FLVCR2: variants seen among roughly 807,000 people sequenced by gnomAD.
FLVCR2 encodes the protein FLVCR choline and putative heme transporter 2, also known as choline/ethanolamine transporter FLVCR2.
In FLVCR2, 38 loss-of-function variants were observed where a neutral mutation model predicts 48.9. That is an observed-to-expected ratio of 0.78 (90% CI 0.60 to 1.02). FLVCR2 has a LOEUF of 1.02. Ranked by LOEUF, FLVCR2 falls within the 50% of genes least tolerant of loss-of-function variation. The pLI, the probability that FLVCR2 is intolerant of heterozygous loss-of-function variation, is 0.00. For missense variants in FLVCR2, 664 were observed against 663.3 expected (o/e 1.00, Z -0.01); for synonymous variants, 255 against 257.0 (o/e 0.99, Z 0.07).
chr14:75,596,699 C>T (rs1889029114), intron 1 of FLVCR2, among the ~76,000 whole-genome samples: 1 of 151,802 alleles, frequency 6.6e-6, no homozygotes, highest in Non-Finnish European at 1.5e-5. Flanking sequence ...TGTTGTGTAA[C>T]CATTACCACT....
chr14:75,589,699 A>C (rs962659060), intron 1 of FLVCR2, among the ~76,000 whole-genome samples: 4 of 152,166 alleles, frequency 2.6e-5, no homozygotes, highest in Admixed American at 2.6e-4. Context: ...TGTTCATGAC[A>C]TTCTCTGAAA....
At chr14:75,597,812 C>T (rs67245797) in intron 1 of FLVCR2, among the ~76,000 whole-genome samples, 29,685 of 151,952 alleles carry the variant, frequency 0.2, 3,337 homozygotes, top group East Asian at 0.58. Flanking sequence ...TCAGGTGATC[C>T]GCCCATCTCA....
chr14:75,633,526 G>GAGAT (rs1413006692), intron 3 of FLVCR2, 103 bp from the exon 4 acceptor site: 2 of 876,744 alleles, frequency 2.3e-6, no homozygotes, highest in African/African-American at 3.3e-5. Context: ...GAGTGGCAGT[G>GAGAT]AGATGAGGAT....
At chr14:75,613,877 A>T (rs547358888) in intron 1 of FLVCR2, among the ~76,000 whole-genome samples, 1 of 152,324 alleles carries the variant, frequency 6.6e-6, no homozygotes, top group Admixed American at 6.5e-5. Context: ...AGGGGACAAC[A>T]TCCAAACCCA....
rs1399297143 is a variant in FLVCR2 at position 75,641,289 on chromosome 14, C to T, written c.1449C>T (p.Leu483=). The change falls in exon 8 of 10, where the codon CTC becomes CTT. Residue 483 remains leucine, a synonymous_variant. Coordinates refer to ENST00000238667, the MANE Select transcript of FLVCR2 (RefSeq NM_017791.3). ...TGTTCCTTACTCTTGGAGCAGCCCTCACTGGTGAGTTGGAGCCTGAGGGCA... is the reference window on the plus strand; with the variant it reads ...TGTTCCTTACTCTTGGAGCAGCCCTTACTGGTGAGTTGGAGCCTGAGGGCA... ...LCVFLTLGAA[L]TAFIKADLRR... 3 of 1,612,542 alleles carry T rather than the reference C, an allele frequency of 1.9e-6. No individual in the cohort carries two copies. Among genetic ancestry groups the T allele is most frequent in the Non-Finnish European group, 2.5e-6 (3 of 1,178,696 alleles).
intron 1 of FLVCR2, among the ~76,000 whole-genome samples, chr14:75,615,628 TC>T (rs1889589045): frequency 6.6e-6 from 1 of 152,094 alleles, no homozygotes; most frequent in African/African-American, 2.4e-5. Context: ...TTGAGATCTT[TC>T]TGACCCCTGA....
chr14:75,632,597 A>G, intron 3 of FLVCR2: 1 of 702,234 alleles, frequency 1.4e-6, no homozygotes, highest in South Asian at 1.5e-5. Flanking sequence ...AGGCTATATG[A>G]ACTGGGGTTC....
In FLVCR2 at chr14:75,580,343, G is replaced by A. The variant is rs116026392; in HGVS notation, c.669+702G>A. ...GGTTATGATCCAGAAAGCTGGGCAG[G>A]TTGTGAACCTGAATGCCGTCTCCAA... On this transcript the variant is annotated intron_variant, in intron 1 of 9. Transcript: ENST00000238667. Among the ~76,000 whole-genome samples the A allele has an allele frequency of 5.5e-3, 835 of 152,322 alleles. 10 individuals carry two copies. The highest frequency in any genetic ancestry group is 0.019 in the African/African-American group (803 of 41,568).
At chr14:75,645,917 C>CAA (rs33996926) in intron 9 of FLVCR2, among the ~76,000 whole-genome samples, 124 of 93,892 alleles carry the variant, frequency 1.3e-3, no homozygotes, top group African/African-American at 5.1e-3. Flanking sequence ...GACTCCATCT[C>CAA]AAAAAAAAAA....
In FLVCR2 at chr14:75,579,315, T is replaced by G. The variant is rs747858143; in HGVS notation, c.343T>G (p.Phe115Val). ...YGSINNIFMH[F>V]YGVSAFAIDW... ...CTCCATCAATAACATCTTCATGCAC[T>G]TCTACGGTGTCAGTGCCTTTGCCAT... The change falls in exon 1 of 10, where the codon TTC (phenylalanine) becomes GTC (valine). Residue 115 changes from phenylalanine to valine, a missense_variant. By Grantham distance (50) the Phe-to-Val change is conservative. Coordinates refer to ENST00000238667, the MANE Select transcript of FLVCR2 (RefSeq NM_017791.3). 1.2e-6 allele frequency: 2 copies of G among 1,614,246 alleles called. No individual in the cohort carries two copies. The highest frequency in any genetic ancestry group is 4.5e-5 in the East Asian group (2 of 44,892).
intron 1 of FLVCR2, among the ~76,000 whole-genome samples, chr14:75,594,725 T>A (rs953311584): frequency 1.3e-5 from 2 of 151,938 alleles, no homozygotes; most frequent in Non-Finnish European, 2.9e-5. Flanking sequence ...TTATCACTTT[T>A]TTTTTTTTTT....
At chr14:75,596,507 T>C (rs1333875475) in intron 1 of FLVCR2, among the ~76,000 whole-genome samples, 1 of 152,144 alleles carries the variant, frequency 6.6e-6, no homozygotes, top group African/African-American at 2.4e-5. Context: ...CCACCAATCA[T>C]TGATATATAC....
chr14:75,595,878 C>A (rs370346910), intron 1 of FLVCR2: 7 of 1,055,062 alleles, frequency 6.6e-6, no homozygotes, highest in Non-Finnish European at 7.4e-6. Context: ...TCTGTTCTTG[C>A]GTTCCTCTCA....
chr14:75,639,570 C>G, intron 6 of FLVCR2, 108 bp downstream of exon 6: 1 of 798,348 alleles, frequency 1.3e-6, no homozygotes, highest in Admixed American at 2.0e-5. Flanking sequence ...TCTAACTGAC[C>G]TCAGGAGATA....
chr14:75,643,760 C>T (rs971683664), intron 9 of FLVCR2, among the ~76,000 whole-genome samples: 1 of 152,082 alleles, frequency 6.6e-6, no homozygotes, highest in Admixed American at 6.6e-5. Context: ...GATTTTTCAC[C>T]CACACTGTGT....
Position 75,578,620 on chromosome 14 carries a change from A to C in FLVCR2, c.-353A>C. On this transcript the variant is annotated 5_prime_UTR_variant, in exon 1 of 10. Transcript: ENST00000238667. ...GGGCGAGGCCCCAAGCTGGCCCGGG[A>C]GAGGACTCTGCGGGCGAAGTGGCTG... is the stretch of plus-strand genomic sequence containing the variant. 2.7e-6 allele frequency: 1 copy of C among 368,626 alleles called. No individual in the cohort carries two copies. Among genetic ancestry groups the C allele is most frequent in the Non-Finnish European group, 5.1e-6 (1 of 194,310 alleles). The allele number at this position is 368,626 out of a possible 1,614,324, so 22.8% of individuals were successfully genotyped here. A position where few individuals can be genotyped will look rare whatever the true frequency, so the allele number is the denominator to read the frequency against.
chr14:75,625,555 C>T (rs57659551), intron 3 of FLVCR2, among the ~76,000 whole-genome samples: 8,797 of 152,022 alleles, frequency 0.058, 566 homozygotes, highest in East Asian at 0.33. Context: ...TGCTACATAT[C>T]TACCCACCTT....
chr14:75,622,539 A>T (rs1889792668), intron 2 of FLVCR2, among the ~76,000 whole-genome samples: 1 of 152,214 alleles, frequency 6.6e-6, no homozygotes, highest in African/African-American at 2.4e-5. Flanking sequence ...AGGCCATCAC[A>T]GGCACTGTAC....
intron 5 of FLVCR2, among the ~76,000 whole-genome samples, chr14:75,638,145 G>A (rs1447072795): frequency 1.3e-5 from 2 of 152,066 alleles, no homozygotes; most frequent in Non-Finnish European, 2.9e-5. Context: ...AACAGAAAAA[G>A]CTTTGCTGGG....
Sources: allele counts gnomAD v4.1 joint callset (sites outside exome capture counted in the v4.1 genomes callset), GRCh38; gene constraint gnomAD v4.1.1; transcripts MANE v1.5; gene names NCBI Gene and HGNC (gene_info 2026-07-23, HGNC 2026-07-21).